The following CACUL1 variants were observed in gnomAD, a reference collection of about 807,000 sequenced individuals.
CACUL1 encodes the protein CDK2-associated and cullin domain-containing protein 1.
In CACUL1, 13 loss-of-function variants were observed where a neutral mutation model predicts 45.2. That is an observed-to-expected ratio of 0.29 (90% CI 0.19 to 0.46). CACUL1 has a LOEUF of 0.46. Ranked by LOEUF, CACUL1 falls within the 20% of genes least tolerant of loss-of-function variation. The pLI is 1.00. For synonymous variants in CACUL1, 197 were observed against 174.2 expected, an observed-to-expected ratio of 1.13 and a Z score of -1.03; for missense variants, 421 against 471.4, an observed-to-expected ratio of 0.89 and a Z score of 0.99.
intron 3 of CACUL1, among the ~76,000 whole-genome samples, chr10:118,716,605 CT>C (rs61613528): frequency 7.4e-4 from 104 of 139,774 alleles, no homozygotes; most frequent in Admixed American, 2.4e-3. Context: ...AACACAACCT[CT>C]TTTTTTTTTT....
Position 118,707,513 on chromosome 10 carries a change from A to G in CACUL1, c.672T>C (p.Ile224=). The G allele has an allele frequency of 6.5e-7, 1 of 1,548,810 alleles. No individual in the cohort carries two copies. Among genetic ancestry groups the G allele is most frequent in the Non-Finnish European group, 8.9e-7 (1 of 1,121,358 alleles). The change falls in exon 4 of 9, where the codon ATT becomes ATC. Residue 224 remains isoleucine, a synonymous_variant. Transcript: ENST00000369151. ...LGQYMGALQS[I]VPLFIYMNKF... ...TTACCATATATATGAAAAGAGGCAC[A>G]ATGCTCTGCAATGCTCCCATATATT...
intron 8 of CACUL1, 124 bp downstream of exon 8, chr10:118,686,474 A>T: frequency 1.2e-6 from 1 of 809,242 alleles, no homozygotes; most frequent in Non-Finnish European, 2.1e-6. Flanking sequence ...GACCTTGATT[A>T]CAAGCAGTGC....
intron 5 of CACUL1, among the ~76,000 whole-genome samples, chr10:118,698,544 TTC>T (rs2119567960): frequency 6.6e-6 from 1 of 152,306 alleles, no homozygotes; most frequent in African/African-American, 2.4e-5. Context: ...CTGTGCCAGT[TTC>T]TGAGCCGAGG....
rs952170538 is a variant in CACUL1, at chr10:118,679,355, A to G, written c.*6773T>C. 6.6e-6 allele frequency: 1 copy of G among 151,646 alleles called. No homozygotes were observed. The highest frequency in any genetic ancestry group is 6.6e-5 in the Admixed American group (1 of 15,188). 9.4% of individuals were successfully genotyped at this position (151,646 alleles called of 1,614,324 possible). A position where few individuals can be genotyped will look rare whatever the true frequency, so the allele number is the denominator to read the frequency against. Reference sequence around the variant, plus strand: ...GCTGGGATTACAGGTGTATGCCACCATGCCTAATTTTTTTTTAATTTATTT... The same window carrying G: ...GCTGGGATTACAGGTGTATGCCACCGTGCCTAATTTTTTTTTAATTTATTT... On this transcript the variant is annotated 3_prime_UTR_variant, in exon 9 of 9. Transcript: ENST00000369151.
chr10:118,728,165 A>C (rs1187577026), intron 3 of CACUL1, among the ~76,000 whole-genome samples: 1 of 152,174 alleles, frequency 6.6e-6, no homozygotes, highest in Non-Finnish European at 1.5e-5. Flanking sequence ...AACACAAAAA[A>C]ACTAAGCTAT....
chr10:118,729,091 CA>C, intron 3 of CACUL1: 1 of 484,362 alleles, frequency 2.1e-6, no homozygotes, highest in Middle Eastern at 5.4e-4. Flanking sequence ...ATATTTAATC[CA>C]AAAATTTCCA....
At chr10:118,748,204 C>T (rs1845863083) in intron 1 of CACUL1, among the ~76,000 whole-genome samples, 1 of 152,154 alleles carries the variant, frequency 6.6e-6, no homozygotes, top group South Asian at 2.1e-4. Flanking sequence ...TCACGCACTC[C>T]GACATGTCTT....
intron 1 of CACUL1, among the ~76,000 whole-genome samples, chr10:118,744,826 T>C (rs911233589): frequency 3.9e-5 from 6 of 152,122 alleles, no homozygotes; most frequent in East Asian, 1.9e-4. Context: ...TGGCTAATTT[T>C]TGTATTTTTA....
chr10:118,689,541 C>G (rs1236385679), intron 7 of CACUL1, among the ~76,000 whole-genome samples: 2 of 151,966 alleles, frequency 1.3e-5, no homozygotes, highest in Non-Finnish European at 2.9e-5. Context: ...CTATTTATAC[C>G]AAAAATTCAA....
chr10:118,750,288 G>A (rs141758490), intron 1 of CACUL1, among the ~76,000 whole-genome samples: 8 of 152,060 alleles, frequency 5.3e-5, no homozygotes, highest in East Asian at 1.9e-4. Context: ...ACTGCACCAC[G>A]GCACTCCAGC....
intron 3 of CACUL1, among the ~76,000 whole-genome samples, chr10:118,711,913 G>GA (rs78750479): frequency 0.095 from 14,505 of 151,914 alleles, 738 homozygotes; most frequent in Admixed American, 0.15. Context: ...TGTCATTTAA[G>GA]AAAAAAAACC....
chr10:118,731,593 C>G (rs151021866), intron 1 of CACUL1, among the ~76,000 whole-genome samples: 190 of 152,226 alleles, frequency 1.2e-3, no homozygotes, highest in African/African-American at 4.3e-3. Context: ...GAAGCCAGAC[C>G]CAAAGGGCTA....
intron 3 of CACUL1, chr10:118,726,437 C>A (rs1321120098): frequency 3.1e-6 from 2 of 635,246 alleles, no homozygotes; most frequent in Admixed American, 3.5e-5. Context: ...ACGATAGAGT[C>A]CCTCCCCCTC....
At chr10:118,714,034 A>G (rs1051094481) in intron 3 of CACUL1, among the ~76,000 whole-genome samples, 4 of 152,378 alleles carry the variant, frequency 2.6e-5, no homozygotes, top group Middle Eastern at 3.4e-3. Flanking sequence ...TCTTATTTTT[A>G]TAAAAAATAA....
chr10:118,690,172 G>A (rs967259448), intron 7 of CACUL1, among the ~76,000 whole-genome samples: 4 of 151,896 alleles, frequency 2.6e-5, no homozygotes, highest in African/African-American at 9.7e-5. Flanking sequence ...GCGGTGGCGG[G>A]CGCCTGTAGT....
rs1845786013 is a variant in CACUL1, at chr10:118,740,913, G to A, written c.368-10503C>T. Among the ~76,000 whole-genome samples the A allele has an allele frequency of 1.4e-5, 2 of 147,526 alleles. 1 individual carries two copies. Among genetic ancestry groups the A allele is most frequent in the South Asian group, 4.3e-4 (2 of 4,678 alleles). ...CGCACTCCAGCCTGGGCGACAGTGTGAGATTCCATCTCAAAAAAAAAAAAA... is the reference window on the plus strand; with the variant it reads ...CGCACTCCAGCCTGGGCGACAGTGTAAGATTCCATCTCAAAAAAAAAAAAA... On this transcript the variant is annotated intron_variant, in intron 1 of 8. Transcript: ENST00000369151.
intron 1 of CACUL1, among the ~76,000 whole-genome samples, chr10:118,733,352 T>G (rs543922332): frequency 1.3e-5 from 2 of 152,324 alleles, no homozygotes; most frequent in Admixed American, 1.3e-4. Context: ...CAGTTTCTAT[T>G]TCCACACGTA....
intron 3 of CACUL1, among the ~76,000 whole-genome samples, chr10:118,715,215 T>TAC (rs1337440741): frequency 1.3e-5 from 2 of 152,166 alleles, no homozygotes; most frequent in African/African-American, 4.8e-5. Context: ...AATATATATA[T>TAC]ACACATACAT....
rs1420628816 is a variant in CACUL1 at position 118,676,788 on chromosome 10, TATTGGTAAC to T, written c.*9331_*9339del. ...TGATTTTCTACTTTTGCTTTATATG[TATTGGTAAC>T]ATATGTTCAAATTTAAACATTTTAA... On this transcript the variant is annotated 3_prime_UTR_variant, in exon 9 of 9. Transcript: ENST00000369151. The T allele has an allele frequency of 6.6e-6, 1 of 152,190 alleles. No individual in the cohort carries two copies. The allele number at this position is 152,190 out of a possible 1,614,324, so 9.4% of individuals were successfully genotyped here. A position where few individuals can be genotyped will look rare whatever the true frequency, so the allele number is the denominator to read the frequency against.
Sources: allele counts gnomAD v4.1 joint callset (sites outside exome capture counted in the v4.1 genomes callset), GRCh38; gene constraint gnomAD v4.1.1; transcripts MANE v1.5; gene names NCBI Gene and HGNC (gene_info 2026-07-23, HGNC 2026-07-21).